The following RALGPS1 variants were observed in gnomAD, a reference collection of about 807,000 sequenced individuals.
RALGPS1 encodes the protein ras-specific guanine nucleotide-releasing factor RalGPS1.
A neutral mutation model predicts 78.8 loss-of-function variants in RALGPS1; 19 were observed. That is an observed-to-expected ratio of 0.24 (90% CI 0.17 to 0.35). The LOEUF (loss-of-function observed/expected upper bound fraction) is 0.35. RALGPS1 is among the 10% of genes least tolerant of loss of function. RALGPS1 has a pLI of 1.00. For missense variants in RALGPS1, 454 were observed against 688.3 expected (o/e 0.66, Z 3.81); for synonymous variants, 228 against 256.3 (o/e 0.89, Z 1.06).
chr9:127,126,271 A>C (rs182893119), intron 8 of RALGPS1, among the ~76,000 whole-genome samples: 4 of 151,744 alleles, frequency 2.6e-5, no homozygotes, highest in African/African-American at 7.3e-5. Flanking sequence ...TACATAATGG[A>C]TCTTCTGTTT....
chr9:127,059,369 A>G (rs1390216898), intron 7 of RALGPS1, among the ~76,000 whole-genome samples: 1 of 152,180 alleles, frequency 6.6e-6, no homozygotes, highest in Non-Finnish European at 1.5e-5. Flanking sequence ...CATCCTCATC[A>G]TTCCTCATAG....
intron 8 of RALGPS1, among the ~76,000 whole-genome samples, chr9:127,072,319 C>A (rs1209237393): frequency 6.6e-6 from 1 of 152,086 alleles, no homozygotes. Context: ...TTGAAGTGAT[C>A]CTCCCGCCTC....
intron 14 of RALGPS1, among the ~76,000 whole-genome samples, chr9:127,206,443 G>A (rs1443106486): frequency 6.6e-6 from 1 of 152,170 alleles, no homozygotes; most frequent in Non-Finnish European, 1.5e-5. Flanking sequence ...GTGGTAGCAA[G>A]GAGAAGTGCT....
Position 127,218,631 on chromosome 9 carries a change from C to A in RALGPS1, c.1645-109C>A. The A allele has an allele frequency of 8.4e-7, 1 of 1,189,926 alleles. No individual in the cohort carries two copies. The highest frequency in any genetic ancestry group is 1.3e-6 in the Non-Finnish European group (1 of 794,572). The allele number at this position is 1,189,926 out of a possible 1,614,324, so 73.7% of individuals were successfully genotyped here. On this transcript the variant is annotated intron_variant, in intron 18 of 18. Coordinates refer to ENST00000259351, the MANE Select transcript of RALGPS1 (RefSeq NM_014636.3). This position sits in a 1 kb window ranked among gnomAD's most constrained non-coding sequence, Gnocchi z 4.4. ...CCATACCCTCTCCCTACCCAACCTG[C>A]TCATTCCCAGACTCACGGGGAAAGG...
intron 11 of RALGPS1, among the ~76,000 whole-genome samples, chr9:127,185,304 T>C (rs1448608846): frequency 6.6e-6 from 1 of 152,220 alleles, no homozygotes. Flanking sequence ...AAGGCCTTGC[T>C]CTCTGTCAAC....
At chr9:127,155,377 C>A (rs1288553906) in intron 8 of RALGPS1, among the ~76,000 whole-genome samples, 1 of 152,064 alleles carries the variant, frequency 6.6e-6, no homozygotes, top group Admixed American at 6.6e-5. Context: ...CCAGGAGGAG[C>A]CAGTTAGCAG....
chr9:126,959,313 T>C (rs1000509766), intron 1 of RALGPS1, among the ~76,000 whole-genome samples: 4 of 152,144 alleles, frequency 2.6e-5, no homozygotes, highest in Non-Finnish European at 4.4e-5. Flanking sequence ...CTGCCCACTT[T>C]GGCCTCCCAA....
At chr9:126,946,390 T>C (rs2037268742) in intron 1 of RALGPS1, among the ~76,000 whole-genome samples, 1 of 151,914 alleles carries the variant, frequency 6.6e-6, no homozygotes, top group Non-Finnish European at 1.5e-5. Flanking sequence ...AAAAATTACC[T>C]GGGCGTGGTG....
intron 7 of RALGPS1, among the ~76,000 whole-genome samples, chr9:127,060,743 C>T (rs1589260518): frequency 1.3e-5 from 2 of 152,168 alleles, no homozygotes; most frequent in Non-Finnish European, 2.9e-5. Flanking sequence ...AAGGTTTTCA[C>T]ATCCCTGGTT....
chr9:126,946,665 G>A (rs949149059), intron 1 of RALGPS1, among the ~76,000 whole-genome samples: 3 of 151,964 alleles, frequency 2.0e-5, no homozygotes, highest in Non-Finnish European at 4.4e-5. Context: ...TCACTATTCA[G>A]GCTTCCAGAA....
chr9:127,156,475 A>G (rs184247548), intron 8 of RALGPS1, among the ~76,000 whole-genome samples: 1 of 152,322 alleles, frequency 6.6e-6, no homozygotes, highest in East Asian at 1.9e-4. Flanking sequence ...TTGTCAGTAT[A>G]AATGGGAAAA....
chr9:126,968,939 T>G (rs1354073058), intron 3 of RALGPS1, among the ~76,000 whole-genome samples: 1 of 151,988 alleles, frequency 6.6e-6, no homozygotes, highest in African/African-American at 2.4e-5. Context: ...TCCCAGCTAC[T>G]CAGGAGGCTG....
chr9:126,980,082 A>C (rs922272089), intron 4 of RALGPS1, among the ~76,000 whole-genome samples: 4 of 152,334 alleles, frequency 2.6e-5, no homozygotes, highest in Non-Finnish European at 4.4e-5. Flanking sequence ...AAAATGGAAG[A>C]GTTTGCTCCT....
chr9:127,016,923 A>G (rs1379791904), intron 4 of RALGPS1: 5 of 152,088 alleles, frequency 3.3e-5, no homozygotes, highest in African/African-American at 1.2e-4. Flanking sequence ...TTTTTACATC[A>G]GTTAGAGCTG....
chr9:127,181,585 G>C (rs12001309), intron 11 of RALGPS1, among the ~76,000 whole-genome samples: 2,130 of 152,284 alleles, frequency 0.014, 61 homozygotes, highest in African/African-American at 0.049. Flanking sequence ...GTCCCCAGTT[G>C]GTCCTCAGAA....
intron 11 of RALGPS1, among the ~76,000 whole-genome samples, chr9:127,191,594 C>G (rs2061035562): frequency 6.6e-6 from 1 of 152,156 alleles, no homozygotes; most frequent in African/African-American, 2.4e-5. Context: ...GTTCTGCCAT[C>G]CAGTAGGGCA....
intron 4 of RALGPS1, among the ~76,000 whole-genome samples, chr9:126,991,667 C>G (rs887562767): frequency 8.5e-5 from 13 of 152,164 alleles, no homozygotes; most frequent in African/African-American, 2.7e-4. Context: ...CTCTGCTACT[C>G]TGTAGCTGTG....
Position 127,181,071 on chromosome 9 carries a change from G to A in RALGPS1, c.910+6289G>A, listed in dbSNP as rs558424849. 6.6e-5 allele frequency among the ~76,000 whole-genome samples: 10 copies of A among 152,390 alleles called. No individual in the cohort carries two copies. In the East Asian group the frequency reaches 1.7e-3, roughly 26 times the overall value. ...GAGCCCTTATGAGCCAGCCTCAGAA[G>A]TCACGCAGCCTTACTGCTGCCACAC... On this transcript the variant is annotated intron_variant, in intron 11 of 18. Coordinates refer to ENST00000259351, the MANE Select transcript of RALGPS1 (RefSeq NM_014636.3).
chr9:127,024,653 C>T (rs1589082314), intron 4 of RALGPS1, among the ~76,000 whole-genome samples: 1 of 152,028 alleles, frequency 6.6e-6, no homozygotes, highest in East Asian at 1.9e-4. Context: ...TAACCCTGGG[C>T]CATTCAAAAG....
Sources: allele counts gnomAD v4.1 joint callset (sites outside exome capture counted in the v4.1 genomes callset), GRCh38; gene constraint gnomAD v4.1.1; non-coding constraint Gnocchi (gnomAD v3.1); transcripts MANE v1.5; gene names NCBI Gene and HGNC (gene_info 2026-07-23, HGNC 2026-07-21).